Variants in PARD3B observed in about 807,000 individuals in gnomAD.
PARD3B encodes par-3 family cell polarity regulator beta, also known as partitioning defective 3 homolog B.
PARD3B carries 103 observed loss-of-function variants against 130.2 expected under a neutral mutation model. The observed-to-expected ratio is 0.79, with a 90% confidence interval of 0.67 to 0.93. PARD3B has a LOEUF of 0.93. Among genes scored for constraint, PARD3B ranks in the 40% least tolerant of loss-of-function variants. The pLI, the probability that PARD3B is intolerant of heterozygous loss-of-function variation, is 0.00. For missense variants in PARD3B, 1,609 were observed against 1,499.2 expected (o/e 1.07, Z -1.21); for synonymous variants, 583 against 553.2 (o/e 1.05, Z -0.76).
At chr2:205,495,889 A>G (rs1157756110) in intron 20 of PARD3B, among the ~76,000 whole-genome samples, 2 of 152,072 alleles carry the variant, frequency 1.3e-5, no homozygotes, top group African/African-American at 4.8e-5. Flanking sequence ...TTGAGGTTTT[A>G]AGATATTGAC....
chr2:205,488,241 GAA>G (rs910805614), intron 20 of PARD3B, among the ~76,000 whole-genome samples: 2 of 151,754 alleles, frequency 1.3e-5, no homozygotes, highest in African/African-American at 4.8e-5. Flanking sequence ...TGGTTTCCTG[GAA>G]GACAATTTTT....
intron 2 of PARD3B, among the ~76,000 whole-genome samples, chr2:204,860,023 C>T (rs1325554849): frequency 6.6e-6 from 1 of 152,150 alleles, no homozygotes; most frequent in Non-Finnish European, 1.5e-5. Flanking sequence ...TTTCTGCCAG[C>T]AGTTGCTTTT....
intron 4 of PARD3B, among the ~76,000 whole-genome samples, chr2:205,088,712 A>C (rs1171021045): frequency 6.6e-6 from 1 of 151,994 alleles, no homozygotes; most frequent in Non-Finnish European, 1.5e-5. Context: ...TCCTGGTCTC[A>C]ACCTCTTTGT....
intron 3 of PARD3B, among the ~76,000 whole-genome samples, chr2:205,010,009 A>G (rs1453071899): frequency 6.6e-6 from 1 of 152,134 alleles, no homozygotes. Context: ...TTATAGAGAA[A>G]CAGAAAACTA....
intron 10 of PARD3B, among the ~76,000 whole-genome samples, chr2:205,145,378 A>C (rs2125682225): frequency 6.6e-6 from 1 of 152,318 alleles, no homozygotes; most frequent in East Asian, 1.9e-4. Flanking sequence ...AACATCATTT[A>C]TCCATTTATG....
intron 1 of PARD3B, among the ~76,000 whole-genome samples, chr2:204,643,130 AAAAAAAT>A (rs1055744273): frequency 3.5e-5 from 5 of 144,764 alleles, no homozygotes; most frequent in Non-Finnish European, 6.1e-5. Context: ...AAAAAAAAAA[AAAAAAAT>A]GTTTGGCACC....
intron 18 of PARD3B, among the ~76,000 whole-genome samples, chr2:205,340,697 A>G (rs1271163783): frequency 6.6e-6 from 1 of 152,168 alleles, no homozygotes; most frequent in Non-Finnish European, 1.5e-5. Context: ...CAAAGATTTT[A>G]TGGCTAAGAT....
chr2:205,211,892 G>A (rs1407615220), intron 15 of PARD3B, among the ~76,000 whole-genome samples: 1 of 151,980 alleles, frequency 6.6e-6, no homozygotes, highest in Non-Finnish European at 1.5e-5. Context: ...GTTTCAGCTT[G>A]GAATTCCTTA....
At chr2:204,944,793 C>T (rs1689180586) in intron 2 of PARD3B, among the ~76,000 whole-genome samples, 1 of 152,102 alleles carries the variant, frequency 6.6e-6, no homozygotes, top group Non-Finnish European at 1.5e-5. Flanking sequence ...TAAGACTACC[C>T]ACTTGCCCTC....
intron 2 of PARD3B, among the ~76,000 whole-genome samples, chr2:204,859,569 A>C (rs2045101532): frequency 6.6e-6 from 1 of 152,182 alleles, no homozygotes; most frequent in Non-Finnish European, 1.5e-5. Context: ...GAACAATATA[A>C]TTTCTTATAA....
Position 204,623,950 on chromosome 2 carries a change from CA to C in PARD3B, c.121-62230del, listed in dbSNP as rs1379284189. Among the ~76,000 whole-genome samples the C allele has an allele frequency of 1.3e-5, 2 of 152,258 alleles. No homozygotes were observed. The highest frequency in any genetic ancestry group is 4.2e-4 in the South Asian group (2 of 4,816). On this transcript the variant is annotated intron_variant, in intron 1 of 22. Coordinates refer to ENST00000406610, the MANE Select transcript of PARD3B (RefSeq NM_001302769.2). This position sits in a 1 kb window ranked among gnomAD's most constrained non-coding sequence, Gnocchi z 4.5. ...CTTATTTTGCATACCATAATGTCTACAGTTCTGTCCATGTCATTGGCAGGAC... is the reference window on the plus strand; with the variant it reads ...CTTATTTTGCATACCATAATGTCTACGTTCTGTCCATGTCATTGGCAGGAC...
At chr2:204,899,691 G>C (rs1159675711) in intron 2 of PARD3B, among the ~76,000 whole-genome samples, 1 of 152,008 alleles carries the variant, frequency 6.6e-6, no homozygotes, top group Non-Finnish European at 1.5e-5. Flanking sequence ...GTGTTTTTCA[G>C]TGTATTACCA....
intron 22 of PARD3B, among the ~76,000 whole-genome samples, chr2:205,600,911 G>A (rs1400194188): frequency 6.6e-6 from 1 of 152,162 alleles, no homozygotes; most frequent in East Asian, 1.9e-4. Flanking sequence ...TCATTGATGG[G>A]CATTTGAGTT....
intron 2 of PARD3B, among the ~76,000 whole-genome samples, chr2:204,901,967 C>A (rs935963389): frequency 6.6e-6 from 1 of 152,038 alleles, no homozygotes; most frequent in Admixed American, 6.5e-5. Flanking sequence ...GAGCTGGTAT[C>A]CCAGTTGCAA....
At chr2:205,038,089 A>G (rs1420988035) in intron 3 of PARD3B, among the ~76,000 whole-genome samples, 1 of 152,136 alleles carries the variant, frequency 6.6e-6, no homozygotes, top group Non-Finnish European at 1.5e-5. Context: ...CACATGATCT[A>G]GGACATTTTT....
At chr2:204,611,557 G>A (rs185553883) in intron 1 of PARD3B, among the ~76,000 whole-genome samples, 1 of 152,034 alleles carries the variant, frequency 6.6e-6, no homozygotes, top group Non-Finnish European at 1.5e-5. Context: ...AAAGTTATAC[G>A]ACCTCTCCTG....
At chr2:205,583,502 A>T (rs2054080232) in intron 22 of PARD3B, among the ~76,000 whole-genome samples, 1 of 152,116 alleles carries the variant, frequency 6.6e-6, no homozygotes, top group South Asian at 2.1e-4. Flanking sequence ...GATGAAGAGG[A>T]TGAAAGCAGC....
chr2:204,847,361 G>A (rs1344497557), intron 2 of PARD3B, among the ~76,000 whole-genome samples: 2 of 152,006 alleles, frequency 1.3e-5, no homozygotes, highest in Non-Finnish European at 2.9e-5. Context: ...AAATTTTAGA[G>A]TTAGCTTGTC....
At chr2:204,891,692 C>A (rs2046452240) in intron 2 of PARD3B, among the ~76,000 whole-genome samples, 1 of 152,174 alleles carries the variant, frequency 6.6e-6, no homozygotes, top group South Asian at 2.1e-4. Context: ...TCTTCCCTTA[C>A]TCTTGTCACC....
Sources: allele counts gnomAD v4.1 joint callset (sites outside exome capture counted in the v4.1 genomes callset), GRCh38; gene constraint gnomAD v4.1.1; non-coding constraint Gnocchi (gnomAD v3.1); transcripts MANE v1.5; gene names NCBI Gene and HGNC (gene_info 2026-07-23, HGNC 2026-07-21).